PIGX: variants seen among roughly 807,000 people sequenced by gnomAD.
The protein encoded by PIGX is GPI alpha-1,4-mannosyltransferase I, stabilizing subunit.
A neutral mutation model predicts 28.7 loss-of-function variants in PIGX; 24 were observed. That is an observed-to-expected ratio of 0.84 (90% CI 0.60 to 1.17). PIGX has a LOEUF of 1.17. Among genes scored for constraint, PIGX ranks in the 50% most tolerant of loss-of-function variants. PIGX has a pLI of 0.00. For synonymous variants in PIGX, 127 were observed against 121.0 expected, an observed-to-expected ratio of 1.05 and a Z score of -0.33; for missense variants, 305 against 317.8, an observed-to-expected ratio of 0.96 and a Z score of 0.31.
In PIGX at chr3:196,712,596, C is replaced by A. The variant is rs867295249; in HGVS notation, c.64C>A (p.Leu22Ile). ...GCTGCTCCTCGGGGCGGCGACCGGGCTCACGCGCGGGCCCGCCGCGGCCTT... is the reference window on the plus strand; with the variant it reads ...GCTGCTCCTCGGGGCGGCGACCGGGATCACGCGCGGGCCCGCCGCGGCCTT... Residue 22 changes from leucine to isoleucine, a missense_variant, in exon 1 of 6, where the codon CTC becomes ATC. Coordinates refer to ENST00000392391, the MANE Select transcript of PIGX (RefSeq NM_017861.4). The A allele has an allele frequency of 1.7e-6, 2 of 1,192,016 alleles. No individual in the cohort carries two copies. Among genetic ancestry groups the A allele is most frequent in the Admixed American group, 4.5e-5 (1 of 22,286 alleles). The allele number at this position is 1,192,016 out of a possible 1,614,324, so 73.8% of individuals were successfully genotyped here.
rs1437438219 is a variant in PIGX, at chr3:196,731,018, C to T, written c.559C>T (p.His187Tyr). 3 of 1,610,564 alleles carry T rather than the reference C, an allele frequency of 1.9e-6. No individual in the cohort carries two copies. Among genetic ancestry groups the T allele is most frequent in the African/African-American group, 2.7e-5 (2 of 74,844 alleles). The change falls in exon 5 of 6, where the codon CAC becomes TAC. Residue 187 changes from histidine to tyrosine, a missense_variant. His to Tyr is a moderately conservative substitution (Grantham distance 83). Transcript: ENST00000392391. ...GTTCCCGATTTTGAAATGCTGGGCT[C>T]ACTCAGAAGTGGCAGCCCCTTGTGC...
intron 2 of PIGX, among the ~76,000 whole-genome samples, chr3:196,722,058 C>T (rs1712347081): frequency 6.6e-6 from 1 of 152,124 alleles, no homozygotes; most frequent in African/African-American, 2.4e-5. Flanking sequence ...GCCCTCTGGC[C>T]TGTTTTTTTC....
At position 196,735,760 on chromosome 3, in the gene PIGX, G is replaced by T. The variant is rs1223604607; in HGVS notation, c.*1858G>T. 6.6e-6 allele frequency: 1 copy of T among 152,166 alleles called. No homozygotes were observed. Among genetic ancestry groups the T allele is most frequent in the African/African-American group, 2.4e-5 (1 of 41,448 alleles). 9.4% of individuals were successfully genotyped at this position (152,166 alleles called of 1,614,324 possible). ...ATATGTCAGCTACAATTCAGGCATT[G>T]TTTTGGGATATGGTTAGATTGACAG... On this transcript the variant is annotated 3_prime_UTR_variant, in exon 6 of 6. Transcript: ENST00000392391.
intron 2 of PIGX, among the ~76,000 whole-genome samples, chr3:196,717,576 T>TTA (rs893077583): frequency 2.6e-5 from 4 of 152,124 alleles, no homozygotes; most frequent in South Asian, 2.1e-4. Context: ...ACAGAGGTTG[T>TTA]TATATATATA....
In PIGX at chr3:196,731,012, T is replaced by C; in HGVS notation, c.553T>C (p.Trp185Arg). 6.2e-7 allele frequency: 1 copy of C among 1,609,860 alleles called. No homozygotes were observed. The highest frequency in any genetic ancestry group is 8.5e-7 in the Non-Finnish European group (1 of 1,176,486). The change falls in exon 5 of 6, where the codon TGG (tryptophan) becomes CGG (arginine). Residue 185 changes from tryptophan (W) to arginine (R), a missense_variant. Coordinates refer to ENST00000392391, the MANE Select transcript of PIGX (RefSeq NM_017861.4). ...CTCAGAGTTCCCGATTTTGAAATGC[T>C]GGGCTCACTCAGAAGTGGCAGCCCC...
intron 3 of PIGX, among the ~76,000 whole-genome samples, chr3:196,724,531 G>T (rs1156492258): frequency 6.6e-6 from 1 of 152,174 alleles, no homozygotes; most frequent in Non-Finnish European, 1.5e-5. Flanking sequence ...ATGGGGATGA[G>T]ATTTGGATGT....
intron 5 of PIGX, among the ~76,000 whole-genome samples, chr3:196,732,212 TTATTTATATATA>T (rs1276191376): frequency 1.1e-4 from 6 of 52,258 alleles, no homozygotes; most frequent in African/African-American, 3.4e-4. Context: ...TATGTATATA[TTATTTATATATA>T]TATATATATA....
intron 2 of PIGX, among the ~76,000 whole-genome samples, chr3:196,721,717 G>A (rs909301535): frequency 3.2e-4 from 49 of 151,892 alleles, no homozygotes; most frequent in African/African-American, 1.1e-3. Flanking sequence ...AATGTGCTGG[G>A]ATTACAGGCA....
intron 3 of PIGX, among the ~76,000 whole-genome samples, chr3:196,727,109 T>C (rs147214378): frequency 1.2e-3 from 187 of 152,324 alleles, no homozygotes; most frequent in Admixed American, 2.4e-3. Flanking sequence ...AGTTAATGCA[T>C]ACCAGGGTTT....
intron 5 of PIGX, among the ~76,000 whole-genome samples, chr3:196,732,237 TATATATATATATATATATA>T (rs1560080544): frequency 0.017 from 1,094 of 63,064 alleles, 50 homozygotes; most frequent in East Asian, 0.09. Context: ...TATATATATA[TATATATATATATATATATA>T]TTTTATTTTA....
chr3:196,726,866 C>T (rs1194343224), intron 3 of PIGX: 1 of 249,634 alleles, frequency 4.0e-6, no homozygotes, highest in Non-Finnish European at 8.2e-6. Flanking sequence ...CTTCCAGTCA[C>T]TGAAGGTATT....
chr3:196,727,287 CT>C (rs1712561198), intron 3 of PIGX, among the ~76,000 whole-genome samples: 3 of 152,116 alleles, frequency 2.0e-5, no homozygotes, highest in Admixed American at 6.5e-5. Flanking sequence ...CATGTTATAA[CT>C]TAGGTCTAAT....
In PIGX at chr3:196,734,123, A is replaced by G; in HGVS notation, c.*221A>G. 1 of 413,340 alleles carries G rather than the reference A, an allele frequency of 2.4e-6. No individual in the cohort carries two copies. The highest frequency in any genetic ancestry group is 4.3e-6 in the Non-Finnish European group (1 of 233,724). 25.6% of individuals were successfully genotyped at this position (413,340 alleles called of 1,614,324 possible). A position where few individuals can be genotyped will look rare whatever the true frequency, so the allele number is the denominator to read the frequency against. On this transcript the variant is annotated 3_prime_UTR_variant, in exon 6 of 6. Coordinates refer to ENST00000392391, the MANE Select transcript of PIGX (RefSeq NM_017861.4). Reference sequence around the variant, plus strand: ...CTCAAGCATCAGATGCCATAAGGGGAAACTTAATTCTGCTAAATTAATGTT... The same window carrying G: ...CTCAAGCATCAGATGCCATAAGGGGGAACTTAATTCTGCTAAATTAATGTT...
At chr3:196,725,357 A>C (rs544421024) in intron 3 of PIGX, among the ~76,000 whole-genome samples, 1 of 152,328 alleles carries the variant, frequency 6.6e-6, no homozygotes, top group South Asian at 2.1e-4. Flanking sequence ...AAGTCATTGA[A>C]TATCAGGCAA....
chr3:196,728,729 G>A lies in PIGX; in HGVS notation c.532+593G>A, dbSNP rs187820722. The A allele has an allele frequency of 2.0e-4, 157 of 766,344 alleles. No individual in the cohort carries two copies. The African/African-American group carries it at 2.1e-3, about 10-fold the overall frequency. The allele number at this position is 766,344 out of a possible 1,614,324, so 47.5% of individuals were successfully genotyped here. A position where few individuals can be genotyped will look rare whatever the true frequency, so the allele number is the denominator to read the frequency against. ...GGCTCCAGAAGAATGATCAGATTCCGGTTTGATTCCTTTGACAAAACTATA... is the reference window on the plus strand; with the variant it reads ...GGCTCCAGAAGAATGATCAGATTCCAGTTTGATTCCTTTGACAAAACTATA... On this transcript the variant is annotated intron_variant, in intron 4 of 5. Coordinates refer to ENST00000392391, the MANE Select transcript of PIGX (RefSeq NM_017861.4).
chr3:196,722,442 G>C lies in PIGX; in HGVS notation c.204G>C (p.Gly68=). The C allele has an allele frequency of 6.2e-7, 1 of 1,612,026 alleles. No individual in the cohort carries two copies. The highest frequency in any genetic ancestry group is 8.5e-7 in the Non-Finnish European group (1 of 1,178,462). The change falls in exon 3 of 6, where the codon GGG becomes GGC. Residue 68 remains glycine, a synonymous_variant. Transcript: ENST00000392391. ...ACCTTTTAATCAAAGTGAAGTTTGG[G>C]GAAAGCATTGAGGACTTGCACACCT...
At chr3:196,726,931 T>C (rs1405136152) in intron 3 of PIGX, among the ~76,000 whole-genome samples, 1 of 152,206 alleles carries the variant, frequency 6.6e-6, no homozygotes, top group Non-Finnish European at 1.5e-5. Context: ...GGTTTAATTT[T>C]ATTACTTCCA....
At chr3:196,720,041 G>A (rs1437205565) in intron 2 of PIGX, among the ~76,000 whole-genome samples, 1 of 152,256 alleles carries the variant, frequency 6.6e-6, no homozygotes, top group Non-Finnish European at 1.5e-5. Context: ...GCCTCCCGAA[G>A]TGTGGGGATT....
chr3:196,722,329 T>G (rs1292085582), intron 2 of PIGX, 86 bp from the exon 3 acceptor site: 1 of 932,730 alleles, frequency 1.1e-6, no homozygotes, highest in Non-Finnish European at 1.6e-6. Flanking sequence ...TGAAATACAG[T>G]GTTTTCACTA....
Sources: gnomAD v4.1 joint callset for allele counts (sites outside exome capture counted in the v4.1 genomes callset) on GRCh38, gnomAD v4.1.1 for gene constraint, MANE v1.5 for transcripts, NCBI Gene and HGNC (gene_info 2026-07-23, HGNC 2026-07-21) for gene names.